Variants in TBC1D5 observed in about 807,000 individuals in gnomAD.
TBC1D5 encodes TBC1 domain family, member 5.
Under a neutral mutation model 100.3 loss-of-function variants are expected in TBC1D5, and 75 were observed. That is an observed-to-expected ratio of 0.75 (90% CI 0.62 to 0.91). TBC1D5 has a LOEUF of 0.91. Among genes scored for constraint, TBC1D5 ranks in the 40% least tolerant of loss-of-function variants. TBC1D5 has a pLI of 0.00. For missense variants in TBC1D5, 910 were observed against 942.4 expected, an observed-to-expected ratio of 0.97 and a Z score of 0.45; for synonymous variants, 323 against 325.6, an observed-to-expected ratio of 0.99 and a Z score of 0.09.
At chr3:17,282,283 T>G (rs1256690595) in intron 15 of TBC1D5, among the ~76,000 whole-genome samples, 7 of 152,226 alleles carry the variant, frequency 4.6e-5, no homozygotes, top group Admixed American at 4.6e-4. Flanking sequence ...TGTAATGCAT[T>G]TTAATACTTT....
rs548409677 is a variant in TBC1D5 at position 17,693,078 on chromosome 3, T to C, written c.-101+46265A>G. ...AAGGCTCTCATCAGATGTGAACCCT[T>C]GACCTTGGACTTCTCAGCCTTAAAG... On this transcript the variant is annotated intron_variant, in intron 1 of 21. Transcript: ENST00000253692. 9.8e-5 allele frequency among the ~76,000 whole-genome samples: 15 copies of C among 152,362 alleles called. No homozygotes were observed. In the South Asian group the frequency reaches 1.7e-3, roughly 17 times the overall value.
chr3:17,682,669 G>A (rs1343683137), intron 1 of TBC1D5, among the ~76,000 whole-genome samples: 2 of 151,374 alleles, frequency 1.3e-5, no homozygotes, highest in Non-Finnish European at 2.9e-5. Flanking sequence ...ACCTGTTGTC[G>A]TTACATATTA....
intron 2 of TBC1D5, among the ~76,000 whole-genome samples, chr3:17,576,796 A>C (rs759598056): frequency 9.2e-5 from 14 of 152,018 alleles, no homozygotes; most frequent in Admixed American, 2.0e-4. Flanking sequence ...GAAATTTCAA[A>C]AACAGGCATT....
At chr3:17,612,094 G>T (rs549998977) in intron 2 of TBC1D5, among the ~76,000 whole-genome samples, 82 of 152,180 alleles carry the variant, frequency 5.4e-4, no homozygotes, top group Middle Eastern at 3.4e-3. Flanking sequence ...GAGCCCAGGA[G>T]TAGGAGACCA....
chr3:17,619,954 C>T (rs1438068642), intron 2 of TBC1D5, among the ~76,000 whole-genome samples: 1 of 152,070 alleles, frequency 6.6e-6, no homozygotes, highest in African/African-American at 2.4e-5. Flanking sequence ...TTAAATGTAC[C>T]CAAAATTCCA....
At chr3:17,501,570 C>T (rs1333148423) in intron 3 of TBC1D5, among the ~76,000 whole-genome samples, 1 of 149,134 alleles carries the variant, frequency 6.7e-6, no homozygotes, top group Admixed American at 6.6e-5. Flanking sequence ...CATCACCACA[C>T]TACTCTTCCT....
intron 17 of TBC1D5, among the ~76,000 whole-genome samples, chr3:17,237,134 A>G (rs536018244): frequency 6.5e-4 from 99 of 152,312 alleles, no homozygotes; most frequent in African/African-American, 2.0e-3. Flanking sequence ...GTCAACACTA[A>G]TTATTGAAAA....
intron 2 of TBC1D5, among the ~76,000 whole-genome samples, chr3:17,509,638 T>C (rs1231955915): frequency 1.3e-5 from 2 of 152,064 alleles, no homozygotes; most frequent in Admixed American, 6.5e-5. Flanking sequence ...CTTCATGATA[T>C]CTAAACATGC....
At chr3:17,404,347 T>C (rs2093715952) in intron 7 of TBC1D5, among the ~76,000 whole-genome samples, 1 of 152,032 alleles carries the variant, frequency 6.6e-6, no homozygotes, top group Non-Finnish European at 1.5e-5. Context: ...GAGCCCTTCT[T>C]TATTTTCACG....
intron 1 of TBC1D5, among the ~76,000 whole-genome samples, chr3:17,638,473 T>G (rs922649398): frequency 6.6e-6 from 1 of 152,118 alleles, no homozygotes; most frequent in Admixed American, 6.6e-5. Flanking sequence ...CCCATTTCTC[T>G]GATAAAGCTA....
At chr3:17,383,663 A>C (rs1460153685) in intron 9 of TBC1D5, among the ~76,000 whole-genome samples, 1 of 152,114 alleles carries the variant, frequency 6.6e-6, no homozygotes, top group Non-Finnish European at 1.5e-5. Context: ...ACAAACTCCC[A>C]GAAGTTGAAA....
intron 16 of TBC1D5, among the ~76,000 whole-genome samples, chr3:17,246,626 T>G (rs2076760069): frequency 6.6e-6 from 1 of 152,212 alleles, no homozygotes; most frequent in Non-Finnish European, 1.5e-5. Context: ...ATGATCCAAT[T>G]TAATTCAGTA....
chr3:17,673,906 C>T (rs979019478), intron 1 of TBC1D5, among the ~76,000 whole-genome samples: 1 of 152,094 alleles, frequency 6.6e-6, no homozygotes, highest in Non-Finnish European at 1.5e-5. Flanking sequence ...ATGCAGATCT[C>T]CTGAATGAAG....
intron 17 of TBC1D5, among the ~76,000 whole-genome samples, chr3:17,218,143 C>T (rs2073873851): frequency 6.6e-6 from 1 of 151,984 alleles, no homozygotes; most frequent in South Asian, 2.1e-4. Context: ...GGCACCCGTG[C>T]TGAATATCAA....
intron 3 of TBC1D5, among the ~76,000 whole-genome samples, chr3:17,495,578 A>G (rs1403482931): frequency 6.6e-6 from 1 of 152,232 alleles, no homozygotes; most frequent in Non-Finnish European, 1.5e-5. Flanking sequence ...ATAAAGAAAT[A>G]GAAATATAAC....
chr3:17,582,209 A>G (rs1399054615), intron 2 of TBC1D5, among the ~76,000 whole-genome samples: 1 of 152,182 alleles, frequency 6.6e-6, no homozygotes, highest in Non-Finnish European at 1.5e-5. Flanking sequence ...TTTTGTTTTC[A>G]CTGTGATAGC....
chr3:17,460,316 C>T (rs1433217059), intron 3 of TBC1D5, among the ~76,000 whole-genome samples: 1 of 152,076 alleles, frequency 6.6e-6, no homozygotes, highest in Non-Finnish European at 1.5e-5. Flanking sequence ...ACTTTAATGG[C>T]TTCAAATTCC....
intron 3 of TBC1D5, among the ~76,000 whole-genome samples, chr3:17,463,706 A>C (rs892253006): frequency 6.6e-6 from 1 of 152,212 alleles, no homozygotes; most frequent in African/African-American, 2.4e-5. Flanking sequence ...CCCAAGGCTA[A>C]AGAAAAGTCA....
chr3:17,424,346 G>A (rs963899724), intron 4 of TBC1D5, among the ~76,000 whole-genome samples: 4 of 152,186 alleles, frequency 2.6e-5, no homozygotes, highest in African/African-American at 9.6e-5. Flanking sequence ...GGGAAGAGGA[G>A]GAGAGGAGTG....
Sources: gnomAD v4.1 joint callset for allele counts (sites outside exome capture counted in the v4.1 genomes callset) on GRCh38, gnomAD v4.1.1 for gene constraint, MANE v1.5 for transcripts, NCBI Gene and HGNC (gene_info 2026-07-23, HGNC 2026-07-21) for gene names.